The following COL11A1 variants were observed in gnomAD, a reference collection of about 807,000 sequenced individuals.
The protein encoded by COL11A1 is collagen alpha-1(XI) chain.
A neutral mutation model predicts 265.2 loss-of-function variants in COL11A1; 74 were observed. The ratio of observed to expected loss-of-function variants is 0.28; its 90% CI spans 0.23 to 0.34. The LOEUF is 0.34. COL11A1 is among the 10% of genes least tolerant of loss of function. COL11A1 has a pLI of 1.00. For missense variants in COL11A1, 2,165 were observed against 2,263.6 expected, an observed-to-expected ratio of 0.96 and a Z score of 0.88; for synonymous variants, 816 against 727.6, an observed-to-expected ratio of 1.12 and a Z score of -1.96.
intron 1 of COL11A1, among the ~76,000 whole-genome samples, chr1:103,093,245 T>G (rs76561120): frequency 0.016 from 2,371 of 152,070 alleles, 57 homozygotes; most frequent in African/African-American, 0.055. Context: ...GCTGAAGAAT[T>G]TAATGCCAAA....
chr1:102,919,055 C>T (rs1468397014), intron 49 of COL11A1, among the ~76,000 whole-genome samples: 1 of 151,956 alleles, frequency 6.6e-6, no homozygotes, highest in Admixed American at 6.6e-5. Flanking sequence ...TTTGTCTAAT[C>T]TGATGATATC....
intron 5 of COL11A1, among the ~76,000 whole-genome samples, chr1:103,029,425 G>T (rs543542272): frequency 6.6e-6 from 1 of 151,920 alleles, no homozygotes; most frequent in African/African-American, 2.4e-5. Context: ...AATAGATATA[G>T]TTTAAAATTA....
At chr1:102,930,602 C>G (rs574801012) in intron 46 of COL11A1, among the ~76,000 whole-genome samples, 6 of 152,258 alleles carry the variant, frequency 3.9e-5, no homozygotes, top group Admixed American at 3.9e-4. Flanking sequence ...TGATGCTGGC[C>G]TCATAAAATG....
intron 1 of COL11A1, among the ~76,000 whole-genome samples, chr1:103,097,606 A>G (rs1330214788): frequency 4.6e-5 from 7 of 152,066 alleles, no homozygotes. Context: ...CAAGTAGACC[A>G]TAATCACTAC....
At chr1:103,008,388 T>G in intron 15 of COL11A1, 75 bp downstream of exon 15, 1 of 1,199,208 alleles carries the variant, frequency 8.3e-7, no homozygotes, top group Non-Finnish European at 1.2e-6. Context: ...AATTAACTAT[T>G]GATGCATTCT....
At chr1:103,051,494 C>T (rs1468526882) in intron 4 of COL11A1, among the ~76,000 whole-genome samples, 1 of 152,162 alleles carries the variant, frequency 6.6e-6, no homozygotes, top group Non-Finnish European at 1.5e-5. Context: ...TTTCCAGGTG[C>T]CATCTGTCAC....
At chr1:103,077,124 C>T (rs1672035651) in intron 3 of COL11A1, among the ~76,000 whole-genome samples, 1 of 151,974 alleles carries the variant, frequency 6.6e-6, no homozygotes, top group Admixed American at 6.6e-5. Flanking sequence ...CTGTATTCAA[C>T]ATATTATCAA....
chr1:103,018,882 C>G (rs745485261), intron 9 of COL11A1, 23 bp from the exon 10 acceptor site: 1 of 1,606,570 alleles, frequency 6.2e-7, no homozygotes, highest in African/African-American at 1.3e-5. Context: ...AAGAGAACAT[C>G]TCTACCAGGG....
chr1:102,990,942 A>C (rs1411251750), intron 28 of COL11A1, among the ~76,000 whole-genome samples: 1 of 152,090 alleles, frequency 6.6e-6, no homozygotes, highest in Non-Finnish European at 1.5e-5. Flanking sequence ...CTGAGGCAGG[A>C]GAATTGCTTG....
At position 103,015,759 on chromosome 1, in the gene COL11A1, A is replaced by T; in HGVS notation, c.1414-17T>A. ...TGGGGGGCCCTAGAAAAATAAATGA[A>T]ATAACCAAAATAAATAAATATCAAA... On this transcript the variant is annotated splice_polypyrimidine_tract_variant and intron_variant, in intron 11 of 66. Coordinates refer to ENST00000370096, the MANE Select transcript of COL11A1 (RefSeq NM_001854.4). The T allele has an allele frequency of 6.8e-7, 1 of 1,475,160 alleles. No homozygotes were observed. Among genetic ancestry groups the T allele is most frequent in the Non-Finnish European group, 9.3e-7 (1 of 1,070,236 alleles). 91.4% of individuals were successfully genotyped at this position (1,475,160 alleles called of 1,614,324 possible). A position where few individuals can be genotyped will look rare whatever the true frequency, so the allele number is the denominator to read the frequency against.
intron 41 of COL11A1, among the ~76,000 whole-genome samples, chr1:102,956,879 TA>T (rs983221873): frequency 3.1e-4 from 46 of 146,112 alleles, no homozygotes; most frequent in South Asian, 6.6e-4. Flanking sequence ...TCAAACTGAC[TA>T]AAAAAAAAAC....
chr1:103,027,049 G>GC (rs1667576982), intron 5 of COL11A1, among the ~76,000 whole-genome samples: 1 of 151,492 alleles, frequency 6.6e-6, no homozygotes, highest in Non-Finnish European at 1.5e-5. Flanking sequence ...TAAAATCACT[G>GC]CCTTTTTCTC....
chr1:102,917,753 A>C (rs1464842795), intron 49 of COL11A1, among the ~76,000 whole-genome samples: 2 of 151,894 alleles, frequency 1.3e-5, no homozygotes, highest in South Asian at 2.1e-4. Context: ...AGATAGGTTT[A>C]AATAATCTTA....
Position 103,026,297 on chromosome 1 carries a change from C to A in COL11A1, c.816G>T (p.Glu272Asp). The change falls in exon 6 of 67, where the codon GAG becomes GAT. Residue 272 changes from glutamate to aspartate, a missense_variant. Transcript: ENST00000370096. Reference sequence around the variant, plus strand: ...CCTCTTTATACTCTGCTTCCCCATACTCATAGTCATATTCGATTATATCCT... The same window carrying A: ...CCTCTTTATACTCTGCTTCCCCATAATCATAGTCATATTCGATTATATCCT... Reference protein sequence around the residue: ...APEDIIEYDYEYGEAEYKEAE... With the variant: ...APEDIIEYDYDYGEAEYKEAE... 4 of 1,613,614 alleles carry A rather than the reference C, an allele frequency of 2.5e-6. No individual in the cohort carries two copies. Among genetic ancestry groups the A allele is most frequent in the Non-Finnish European group, 3.4e-6 (4 of 1,179,576 alleles).
chr1:103,002,276 T>G, intron 23 of COL11A1, 152 bp downstream of exon 23: 1 of 830,394 alleles, frequency 1.2e-6, no homozygotes. Context: ...TTGCTCAAAT[T>G]TTTTTAAAAA....
chr1:103,031,065 A>G, intron 5 of COL11A1, 51 bp downstream of exon 5: 1 of 1,604,904 alleles, frequency 6.2e-7, no homozygotes, highest in Non-Finnish European at 8.5e-7. Context: ...CTGCACTGCG[A>G]TGTCCATATC....
chr1:103,064,428 T>C (rs566522870), intron 4 of COL11A1, among the ~76,000 whole-genome samples: 10 of 152,136 alleles, frequency 6.6e-5, no homozygotes, highest in Non-Finnish European at 2.9e-5. Flanking sequence ...CGGTGGCTCA[T>C]GCCTGTAATC....
At chr1:102,881,383 A>G (rs557707655) in intron 65 of COL11A1, among the ~76,000 whole-genome samples, 1 of 152,272 alleles carries the variant, frequency 6.6e-6, no homozygotes, top group African/African-American at 2.4e-5. Context: ...TAGATATTAT[A>G]TTCTTTATAC....
chr1:103,012,467 A>T lies in COL11A1; in HGVS notation c.1575T>A (p.Ile525=), dbSNP rs947165374. ...TTGGGCCAGGTGGGCCTCTCAGAGC[A>T]ATCTAGAAAACAAAATATATCAAAT... The part of the protein sequence containing the change: ...QAQAILQQAR[I]ALRGPPGPMG... Residue 525 remains isoleucine (I), a splice_region_variant and synonymous_variant, in exon 14 of 67, where the codon ATT becomes ATA. Coordinates refer to ENST00000370096, the MANE Select transcript of COL11A1 (RefSeq NM_001854.4). The T allele has an allele frequency of 2.5e-6, 4 of 1,611,848 alleles. No individual in the cohort carries two copies. Among genetic ancestry groups the T allele is most frequent in the Non-Finnish European group, 3.4e-6 (4 of 1,178,148 alleles).
Sources: gnomAD v4.1 joint callset for allele counts (sites outside exome capture counted in the v4.1 genomes callset) on GRCh38, gnomAD v4.1.1 for gene constraint, MANE v1.5 for transcripts, NCBI Gene and HGNC (gene_info 2026-07-23, HGNC 2026-07-21) for gene names.